Variants in COL4A2 observed in about 807,000 individuals in gnomAD.
The protein encoded by COL4A2 is collagen type IV alpha 2 chain.
A neutral mutation model predicts 200.2 loss-of-function variants in COL4A2; 99 were observed. The ratio of observed to expected loss-of-function variants is 0.49; its 90% CI spans 0.42 to 0.58. The LOEUF is 0.58. COL4A2 is among the 20% of genes least tolerant of loss of function. The probability of loss-of-function intolerance (pLI) is 0.00; values close to 1 mark genes in which losing one functional copy is unlikely to be tolerated. For synonymous variants in COL4A2, 897 were observed against 900.6 expected, an observed-to-expected ratio of 1.00 and a Z score of 0.07; for missense variants, 1,950 against 2,314.1, an observed-to-expected ratio of 0.84 and a Z score of 3.23.
chr13:110,368,081 C>T (rs1236247522), intron 4 of COL4A2, among the ~76,000 whole-genome samples: 1 of 152,126 alleles, frequency 6.6e-6, no homozygotes, highest in African/African-American at 2.4e-5. Context: ...GACTTCTCTT[C>T]GAAGAATGAT....
At chr13:110,367,979 A>G (rs961769790) in intron 4 of COL4A2, among the ~76,000 whole-genome samples, 3 of 152,240 alleles carry the variant, frequency 2.0e-5, no homozygotes, top group African/African-American at 7.2e-5. Context: ...AAATTCAAGC[A>G]AAACTCTGAA....
At chr13:110,495,115 G>C (rs1284340244) in intron 39 of COL4A2, among the ~76,000 whole-genome samples, 13 of 152,158 alleles carry the variant, frequency 8.5e-5, no homozygotes, top group Admixed American at 8.5e-4. Flanking sequence ...GATGGGCCTC[G>C]ATCCTCTTAT....
chr13:110,323,737 C>T (rs997203950), intron 3 of COL4A2, among the ~76,000 whole-genome samples: 4 of 152,212 alleles, frequency 2.6e-5, no homozygotes, highest in Non-Finnish European at 4.4e-5. Flanking sequence ...GCCATGGGCA[C>T]GCTGCCCCCA....
chr13:110,332,263 A>G (rs1875952064), intron 3 of COL4A2, among the ~76,000 whole-genome samples: 1 of 152,230 alleles, frequency 6.6e-6, no homozygotes, highest in African/African-American at 2.4e-5. Context: ...TGCATATTGA[A>G]ACCTACATAA....
chr13:110,461,898 G>T (rs1371690800), intron 22 of COL4A2: 4 of 626,842 alleles, frequency 6.4e-6, no homozygotes, highest in Non-Finnish European at 1.1e-5. Flanking sequence ...ACCATCCGCA[G>T]TTCCAGTGCT....
chr13:110,322,654 GTGGTAC>G (rs1885306067), intron 3 of COL4A2, among the ~76,000 whole-genome samples: 1 of 152,214 alleles, frequency 6.6e-6, no homozygotes, highest in Non-Finnish European at 1.5e-5. Flanking sequence ...CCCTCTTCCT[GTGGTAC>G]TGGGGTCAGA....
At chr13:110,425,703 C>T (rs916717943) in intron 6 of COL4A2, among the ~76,000 whole-genome samples, 2 of 152,172 alleles carry the variant, frequency 1.3e-5, no homozygotes, top group African/African-American at 4.8e-5. Flanking sequence ...CACACATATA[C>T]ACAGATGTGT....
chr13:110,404,868 A>G (rs9559791), intron 4 of COL4A2, among the ~76,000 whole-genome samples: 16,194 of 152,276 alleles, frequency 0.11, 1,297 homozygotes, highest in East Asian at 0.36. Context: ...ACGGTGGCTC[A>G]TGCCTGTAAT....
At chr13:110,335,551 C>A (rs893696950) in intron 3 of COL4A2, among the ~76,000 whole-genome samples, 1 of 152,138 alleles carries the variant, frequency 6.6e-6, no homozygotes, top group Admixed American at 6.5e-5. Context: ...CCTTTAAACC[C>A]CTTTTTCTTT....
In COL4A2 at chr13:110,468,773, C is replaced by A. The variant is rs1383811509; in HGVS notation, c.2096-444C>A. On this transcript the variant is annotated intron_variant, in intron 27 of 47. Transcript: ENST00000360467. ...AATTATCAGAAAACACTTCTGGAGC[C>A]CACACACTGGGCCAAGCAGGATTCA... 2.6e-5 allele frequency among the ~76,000 whole-genome samples: 4 copies of A among 152,258 alleles called. No homozygotes were observed. The East Asian group carries it at 7.7e-4, about 29-fold the overall frequency.
chr13:110,474,652 ATGCT>A (rs1273608282), intron 29 of COL4A2, among the ~76,000 whole-genome samples: 3 of 152,026 alleles, frequency 2.0e-5, no homozygotes, highest in African/African-American at 2.4e-5. Flanking sequence ...GTGCCTATGC[ATGCT>A]CACACATGAT....
At chr13:110,459,060 G>T in intron 22 of COL4A2, 126 bp downstream of exon 22, 1 of 954,006 alleles carries the variant, frequency 1.0e-6, no homozygotes, top group Non-Finnish European at 1.5e-6. Context: ...CCCAAGGCAT[G>T]GCTAAACCAT....
chr13:110,346,031 G>A, intron 3 of COL4A2, among the ~76,000 whole-genome samples: 1 of 152,136 alleles, frequency 6.6e-6, no homozygotes, highest in Non-Finnish European at 1.5e-5. Flanking sequence ...ATGTATCTGG[G>A]CAACCCCAGC....
chr13:110,468,593 C>T (rs989791252), intron 27 of COL4A2, among the ~76,000 whole-genome samples: 3 of 152,184 alleles, frequency 2.0e-5, no homozygotes, highest in Non-Finnish European at 2.9e-5. Context: ...GCCTCCCATC[C>T]GCTCCTCCCT....
intron 4 of COL4A2, among the ~76,000 whole-genome samples, chr13:110,405,417 CGGTGT>C (rs1879526301): frequency 6.6e-6 from 1 of 152,128 alleles, no homozygotes; most frequent in Non-Finnish European, 1.5e-5. Flanking sequence ...TAGTGGGTCC[CGGTGT>C]GGGACCCACC....
chr13:110,415,733 C>G (rs1880016381), intron 4 of COL4A2, among the ~76,000 whole-genome samples: 1 of 152,250 alleles, frequency 6.6e-6, no homozygotes, highest in Non-Finnish European at 1.5e-5. Flanking sequence ...CCCTGGAAGA[C>G]AGGCGGCCTG....
At chr13:110,467,615 T>C (rs1039611836) in intron 27 of COL4A2, among the ~76,000 whole-genome samples, 2 of 152,250 alleles carry the variant, frequency 1.3e-5, no homozygotes, top group Non-Finnish European at 2.9e-5. Context: ...CTGGGTGCCC[T>C]TCACAGAGCC....
rs199875726 is a variant in COL4A2 at position 110,465,585 on chromosome 13, G to A, written c.1957G>A (p.Ala653Thr). ...AGGCTTCCTGGGCCCTCCTGGCCCC[G>A]CAGGGACCCCAGGACAAATAGGTAT... Reference protein sequence around the residue: ...PPGFLGPPGPAGTPGQIDCDT... With the variant: ...PPGFLGPPGPTGTPGQIDCDT... Residue 653 changes from alanine (A) to threonine (T), a missense_variant, in exon 25 of 48, where the codon GCA becomes ACA. This residue lies in a region of COL4A2 where 1,385 missense variants were observed against 1,720.5 expected (regional missense o/e 0.80). Transcript: ENST00000360467. 1.6e-5 allele frequency: 26 copies of A among 1,612,956 alleles called. No homozygotes were observed. The highest frequency in any genetic ancestry group is 1.5e-4 in the African/African-American group (11 of 74,974).
intron 4 of COL4A2, among the ~76,000 whole-genome samples, chr13:110,386,974 T>G (rs990353484): frequency 1.3e-5 from 2 of 152,152 alleles, no homozygotes; most frequent in Non-Finnish European, 2.9e-5. Flanking sequence ...GCACGGTGGC[T>G]CATACCTGTA....
Sources: gnomAD v4.1 joint callset for allele counts (sites outside exome capture counted in the v4.1 genomes callset) on GRCh38, gnomAD v4.1.1 for gene constraint, gnomAD v4.1.1 regional missense constraint, MANE v1.5 for transcripts, NCBI Gene and HGNC (gene_info 2026-07-23, HGNC 2026-07-21) for gene names.